The following AGFG2 variants were observed in gnomAD, a reference collection of about 807,000 sequenced individuals.
AGFG2 encodes the protein ArfGAP with FG repeats 2.
In AGFG2, 31 loss-of-function variants were observed where a neutral mutation model predicts 48.0. The observed-to-expected ratio is 0.65, with a 90% CI of 0.49 to 0.87. The LOEUF (loss-of-function observed/expected upper bound fraction) is 0.87, where lower values mean the gene tolerates loss of function less well. Among genes scored for constraint, AGFG2 ranks in the 40% least tolerant of loss-of-function variants. The pLI is 0.00. For missense variants in AGFG2, 599 were observed against 632.6 expected (o/e 0.95, Z 0.57); for synonymous variants, 229 against 260.8 (o/e 0.88, Z 1.18).
Position 100,543,435 on chromosome 7 carries a change from C to T in AGFG2, c.221+3868C>T, listed in dbSNP as rs182872118. 1.2e-4 allele frequency among the ~76,000 whole-genome samples: 19 copies of T among 152,206 alleles called. No individual in the cohort carries two copies. In the East Asian group the frequency reaches 2.9e-3, roughly 23 times the overall value. On this transcript the variant is annotated intron_variant, in intron 1 of 11. Transcript: ENST00000300176. The stretch of plus-strand genomic sequence containing the variant: ...AGAAATTGAAATACCACATTAGCAC[C>T]GTAGCCACAGAAAGGAGACAGCAGG...
rs770367220 is a variant in AGFG2, at chr7:100,563,889, C to T, written c.1227C>T (p.Pro409=). Residue 409 remains proline, a synonymous_variant, in exon 10 of 12, where the codon CCC becomes CCT. Transcript: ENST00000300176. Reference sequence around the variant, plus strand: ...CTGGCTTCCCCCAGGCAGTGCCACCCACTGGGGCCTTTGCCAGCTCCTTCC... The same window carrying T: ...CTGGCTTCCCCCAGGCAGTGCCACCTACTGGGGCCTTTGCCAGCTCCTTCC... ...AGPGFPQAVP[P]TGAFASSFPA... is the part of the protein sequence containing the mutation. 1 of 1,610,704 alleles carries T rather than the reference C, an allele frequency of 6.2e-7. No homozygotes were observed. The highest frequency in any genetic ancestry group is 8.5e-7 in the Non-Finnish European group (1 of 1,180,014).
At chr7:100,559,818 CA>C (rs199577248) in intron 6 of AGFG2, among the ~76,000 whole-genome samples, 4,454 of 97,396 alleles carry the variant, frequency 0.046, 398 homozygotes, top group Admixed American at 0.25. Flanking sequence ...GACCCTGTCT[CA>C]AAAAAAAAAA....
At chr7:100,556,955 T>C (rs1800770739) in intron 6 of AGFG2, among the ~76,000 whole-genome samples, 1 of 152,184 alleles carries the variant, frequency 6.6e-6, no homozygotes, top group Non-Finnish European at 1.5e-5. Context: ...GCCAGCACTT[T>C]GGGAGGCCCA....
intron 1 of AGFG2, among the ~76,000 whole-genome samples, chr7:100,543,825 TA>T (rs1800466487): frequency 6.6e-6 from 1 of 152,218 alleles, no homozygotes; most frequent in South Asian, 2.1e-4. Flanking sequence ...TTTACATACA[TA>T]CTGCCACAAT....
chr7:100,564,419 C>T (rs1417819860), intron 11 of AGFG2, 116 bp downstream of exon 11: 13 of 1,113,826 alleles, frequency 1.2e-5, no homozygotes, highest in East Asian at 1.0e-4. Flanking sequence ...TGAAGGTCTG[C>T]GTTGTCCAAG....
At chr7:100,542,944 A>T (rs144425453) in intron 1 of AGFG2, among the ~76,000 whole-genome samples, 252 of 152,330 alleles carry the variant, frequency 1.7e-3, no homozygotes, top group African/African-American at 5.6e-3. Flanking sequence ...CTGACATCCT[A>T]GTGGAAGCCA....
At chr7:100,553,188 A>G (rs544514313) in intron 3 of AGFG2, among the ~76,000 whole-genome samples, 159 bp from the exon 4 acceptor site, 2 of 152,190 alleles carry the variant, frequency 1.3e-5, no homozygotes. Context: ...TGCTCAAGAT[A>G]GGCAGAACTT....
In AGFG2 at chr7:100,565,194, A is replaced by G; in HGVS notation, c.*203A>G. 1 of 632,756 alleles carries G rather than the reference A, an allele frequency of 1.6e-6. No homozygotes were observed. The highest frequency in any genetic ancestry group is 2.8e-6 in the Non-Finnish European group (1 of 360,648). 39.2% of individuals were successfully genotyped at this position (632,756 alleles called of 1,614,324 possible). A position where few individuals can be genotyped will look rare whatever the true frequency, so the allele number is the denominator to read the frequency against. On this transcript the variant is annotated 3_prime_UTR_variant, in exon 12 of 12. Coordinates refer to ENST00000300176, the MANE Select transcript of AGFG2 (RefSeq NM_006076.5). ...CCCCTCCCTCGTCCCACCCCCACCC[A>G]GGCAGGAAGCCCAGGAGGAGTGCGG...
intron 1 of AGFG2, among the ~76,000 whole-genome samples, chr7:100,543,366 C>T (rs901788703): frequency 6.6e-6 from 1 of 151,840 alleles, no homozygotes; most frequent in African/African-American, 2.4e-5. Context: ...TGCCTGGCCT[C>T]GAGAAGAAAT....
At chr7:100,564,848 AG>A in intron 11 of AGFG2, 83 bp from the exon 12 acceptor site, 1 of 1,482,202 alleles carries the variant, frequency 6.7e-7, no homozygotes, top group South Asian at 1.1e-5. Context: ...GCGATTTTTC[AG>A]GAGAAAGGAC....
chr7:100,539,865 G>A (rs1800389726), intron 1 of AGFG2, among the ~76,000 whole-genome samples: 2 of 152,104 alleles, frequency 1.3e-5, no homozygotes, highest in African/African-American at 2.4e-5. Flanking sequence ...AACTGCAAGT[G>A]GGGAGGGAGA....
chr7:100,555,261 T>G (rs200118629), intron 5 of AGFG2, among the ~76,000 whole-genome samples: 1 of 138,146 alleles, frequency 7.2e-6, no homozygotes, highest in African/African-American at 2.7e-5. Context: ...TGTGTGTGTG[T>G]GGTTTTTTTT....
At chr7:100,539,709 C>G (rs1800386296) in intron 1 of AGFG2, 142 bp downstream of exon 1, 2 of 578,078 alleles carry the variant, frequency 3.5e-6, no homozygotes, top group Admixed American at 4.5e-5. Context: ...GCTGTGGGGA[C>G]GGGGTCGTCT....
intron 5 of AGFG2, 40 bp downstream of exon 5, chr7:100,554,298 A>T (rs1391374951): frequency 6.3e-7 from 1 of 1,577,606 alleles, no homozygotes. Context: ...TACAGCGTAT[A>T]TGCTTACAAC....
At chr7:100,564,407 C>T (rs1047520167) in intron 11 of AGFG2, 104 bp downstream of exon 11, 23 of 1,227,298 alleles carry the variant, frequency 1.9e-5, no homozygotes, top group Admixed American at 4.1e-5. Flanking sequence ...GCCCCTTCCT[C>T]GTGAAGGTCT....
chr7:100,558,397 T>C (rs1800798708), intron 6 of AGFG2, among the ~76,000 whole-genome samples: 1 of 152,064 alleles, frequency 6.6e-6, no homozygotes. Flanking sequence ...TGCAGGAATA[T>C]TCGATTTAGT....
At chr7:100,548,080 GT>G (rs1800548503) in intron 1 of AGFG2, among the ~76,000 whole-genome samples, 1 of 152,160 alleles carries the variant, frequency 6.6e-6, no homozygotes, top group African/African-American at 2.4e-5. Context: ...GGGATGGGCT[GT>G]AGGTCTAAAA....
intron 9 of AGFG2, 80 bp downstream of exon 9, chr7:100,563,026 C>A (rs556168177): frequency 2.2e-6 from 3 of 1,373,090 alleles, no homozygotes; most frequent in South Asian, 1.2e-5. Context: ...CTCCCTTAAC[C>A]CTTTGTCTCA....
chr7:100,562,943 C>T lies in AGFG2; in HGVS notation c.1168C>T (p.Pro390Ser). 1 of 1,613,432 alleles carries T rather than the reference C, an allele frequency of 6.2e-7. No homozygotes were observed. The highest frequency in any genetic ancestry group is 1.1e-5 in the South Asian group (1 of 91,018). The change falls in exon 9 of 12, where the codon CCA (proline) becomes TCA (serine). Residue 390 changes from proline (P) to serine (S), a missense_variant. Transcript: ENST00000300176. The surrounding 1 kb of genome is among the most constrained non-coding windows in gnomAD (Gnocchi z 5.4). ...CCCGTTCCAGCCCAATGGCTTGGCG[C>T]CAGGTAAGCCTCCAGCATGGTCCCT... Reference protein sequence around the residue: ...TNPFQPNGLAPGPGFGMSSAG... With the variant: ...TNPFQPNGLASGPGFGMSSAG...
Sources: allele counts gnomAD v4.1 joint callset (sites outside exome capture counted in the v4.1 genomes callset), GRCh38; gene constraint gnomAD v4.1.1; non-coding constraint Gnocchi (gnomAD v3.1); transcripts MANE v1.5; gene names NCBI Gene and HGNC (gene_info 2026-07-23, HGNC 2026-07-21).